Variants in PKP1 observed in about 807,000 individuals in gnomAD.
PKP1 encodes the protein plakophilin 1.
PKP1 carries 27 observed loss-of-function variants against 76.4 expected under a neutral mutation model. The ratio of observed to expected loss-of-function variants is 0.35; its 90% CI spans 0.26 to 0.49. The LOEUF (loss-of-function observed/expected upper bound fraction) is 0.49, where lower values mean the gene tolerates loss of function less well. PKP1 is among the 20% of genes least tolerant of loss of function. The probability of loss-of-function intolerance (pLI) is 0.99; values close to 1 mark genes in which losing one functional copy is unlikely to be tolerated. For synonymous variants in PKP1, 404 were observed against 384.2 expected (o/e 1.05, Z -0.60); for missense variants, 964 against 955.2 (o/e 1.01, Z -0.12).
At chr1:201,309,618 C>T (rs1251391259) in intron 2 of PKP1, among the ~76,000 whole-genome samples, 2 of 152,064 alleles carry the variant, frequency 1.3e-5, no homozygotes, top group Non-Finnish European at 2.9e-5. Context: ...CAGCAGATTG[C>T]TATCTGAGTG....
intron 2 of PKP1, among the ~76,000 whole-genome samples, chr1:201,311,704 G>T (rs1031178979): frequency 2.6e-5 from 4 of 152,206 alleles, no homozygotes; most frequent in African/African-American, 9.6e-5. Context: ...TCTCTCTCAG[G>T]GAGGGGCAGG....
intron 12 of PKP1, 158 bp from the exon 13 acceptor site, chr1:201,328,604 A>G (rs1571566814): frequency 1.4e-6 from 1 of 713,830 alleles, no homozygotes; most frequent in Non-Finnish European, 2.6e-6. Context: ...TTTGTTACAC[A>G]GTTACTGAGG....
chr1:201,325,595 C>T (rs1394914435), intron 11 of PKP1, among the ~76,000 whole-genome samples, 159 bp from the exon 12 acceptor site: 1 of 152,050 alleles, frequency 6.6e-6, no homozygotes, highest in Non-Finnish European at 1.5e-5. Flanking sequence ...TGACCAGGCT[C>T]ACCACACCCC....
intron 1 of PKP1, among the ~76,000 whole-genome samples, chr1:201,285,263 CA>C (rs1348484387): frequency 3.8e-5 from 5 of 130,362 alleles, no homozygotes; most frequent in African/African-American, 1.4e-4. Flanking sequence ...CACACACACA[CA>C]CCTCACACTT....
chr1:201,316,153 T>C (rs28411916), intron 3 of PKP1: 74,843 of 113,748 alleles, frequency 0.66, 24,009 homozygotes, highest in East Asian at 0.81. Context: ...GACGGACGGA[T>C]GGATGGATGG....
At chr1:201,296,782 C>A (rs1170331026) in intron 2 of PKP1, among the ~76,000 whole-genome samples, 1 of 152,204 alleles carries the variant, frequency 6.6e-6, no homozygotes, top group Non-Finnish European at 1.5e-5. Context: ...AAGTTCAGAA[C>A]TGTCTTCAGC....
At chr1:201,307,389 G>A (rs1489283487) in intron 2 of PKP1, among the ~76,000 whole-genome samples, 3 of 152,164 alleles carry the variant, frequency 2.0e-5, no homozygotes, top group Admixed American at 2.0e-4. Flanking sequence ...GGCAGGGATC[G>A]ACACTTCCCC....
In PKP1 at chr1:201,325,290, C is replaced by T. The variant is rs16848325; in HGVS notation, c.2021+163C>T. Among the ~76,000 whole-genome samples the T allele has an allele frequency of 0.15, 22,324 of 152,012 alleles. 2,213 individuals carry two copies. The highest frequency in any genetic ancestry group is 0.28 in the African/African-American group (11,759 of 41,412). The stretch of plus-strand genomic sequence containing the variant: ...TGAATGGAGGAGAAGTTCCAGAAGC[C>T]GAGAGTGCGTGGAGAGAAGGGTCCA... On this transcript the variant is annotated intron_variant, in intron 11 of 13. Coordinates refer to ENST00000367324, the MANE Select transcript of PKP1 (RefSeq NM_001005337.3).
intron 2 of PKP1, among the ~76,000 whole-genome samples, chr1:201,297,476 G>T (rs1656108317): frequency 6.6e-6 from 1 of 152,162 alleles, no homozygotes; most frequent in Non-Finnish European, 1.5e-5. Context: ...CACCAAACCT[G>T]TAGAATATTA....
At chr1:201,322,160 C>T in intron 8 of PKP1, 27 bp downstream of exon 8, 3 of 1,605,094 alleles carry the variant, frequency 1.9e-6, no homozygotes, top group African/African-American at 1.3e-5. Context: ...CAGGGCGGGG[C>T]CTGCCCCATC....
rs1722740 is a variant in PKP1 at position 201,325,464 on chromosome 1, T to C, written c.2022-290T>C. On this transcript the variant is annotated intron_variant, in intron 11 of 13. Transcript: ENST00000367324. ...GACTTTATCCTGCTCTGTGGGGCTC[T>C]CTCTTCCCCGGACAAGGCTGGGGAC... Among the ~76,000 whole-genome samples, 150,563 of 152,208 alleles carry C rather than the reference T, an allele frequency of 0.99. 74,487 individuals are homozygous for C. Among genetic ancestry groups the C allele is most frequent in the East Asian group, 1 (5,160 of 5,160 alleles).
chr1:201,306,217 T>C (rs1178216013), intron 2 of PKP1, among the ~76,000 whole-genome samples: 1 of 152,232 alleles, frequency 6.6e-6, no homozygotes, highest in Admixed American at 6.5e-5. Context: ...AAAACCTGTT[T>C]TTTCCACAGT....
intron 12 of PKP1, among the ~76,000 whole-genome samples, chr1:201,327,524 G>T (rs1238428125): frequency 6.6e-6 from 1 of 152,210 alleles, no homozygotes; most frequent in Admixed American, 6.5e-5. Flanking sequence ...AAAGGGAGAC[G>T]AGGAGGCAGG....
At position 201,294,068 on chromosome 1, in the gene PKP1, A is replaced by G. The variant is rs112051548; in HGVS notation, c.306+23A>G. 2,026 of 1,485,846 alleles carry G rather than the reference A, an allele frequency of 1.4e-3. 3 individuals carry two copies. Among genetic ancestry groups the G allele is most frequent in the Non-Finnish European group, 1.8e-3 (1,892 of 1,064,386 alleles). The allele number at this position is 1,485,846 out of a possible 1,614,324, so 92.0% of individuals were successfully genotyped here. On this transcript the variant is annotated intron_variant, in intron 2 of 13. Coordinates refer to ENST00000367324, the MANE Select transcript of PKP1 (RefSeq NM_001005337.3). ...CCGGTAAGGAACTGCTTCCATCCTA[A>G]AAGACCTGGAGTACTTGTGGGGATG...
chr1:201,306,698 G>A (rs1208499843), intron 2 of PKP1, among the ~76,000 whole-genome samples: 3 of 150,834 alleles, frequency 2.0e-5, no homozygotes, highest in Non-Finnish European at 3.0e-5. Context: ...TTTTTGAGAC[G>A]GAGTCTCGCT....
chr1:201,316,876 C>T (rs935607404), intron 4 of PKP1, among the ~76,000 whole-genome samples, 179 bp downstream of exon 4: 2 of 152,202 alleles, frequency 1.3e-5, no homozygotes, highest in Non-Finnish European at 2.9e-5. Flanking sequence ...TTCTGCAGAG[C>T]AAAGCCCTCT....
chr1:201,321,623 G>A (rs1480163931), intron 7 of PKP1, among the ~76,000 whole-genome samples: 1 of 152,126 alleles, frequency 6.6e-6, no homozygotes, highest in African/African-American at 2.4e-5. Context: ...CCATTGGCAT[G>A]TTGTCCATAG....
At chr1:201,321,366 T>G (rs1656933428) in intron 7 of PKP1, among the ~76,000 whole-genome samples, 1 of 152,130 alleles carries the variant, frequency 6.6e-6, no homozygotes, top group Non-Finnish European at 1.5e-5. Flanking sequence ...ACCCTAGTCC[T>G]TTGGAGGTTT....
intron 1 of PKP1, among the ~76,000 whole-genome samples, chr1:201,289,165 C>T (rs111966099): frequency 6.6e-6 from 1 of 152,328 alleles, no homozygotes; most frequent in African/African-American, 2.4e-5. Flanking sequence ...AGACACAGTC[C>T]ACTCCTGCCC....
Sources: gnomAD v4.1 joint callset for allele counts (sites outside exome capture counted in the v4.1 genomes callset) on GRCh38, gnomAD v4.1.1 for gene constraint, MANE v1.5 for transcripts, NCBI Gene and HGNC (gene_info 2026-07-23, HGNC 2026-07-21) for gene names.